Variants in ZZEF1 observed in about 807,000 individuals in gnomAD.
The protein encoded by ZZEF1 is zinc finger ZZ-type and EF-hand domain-containing protein 1.
In ZZEF1, 157 loss-of-function variants were observed where a neutral mutation model predicts 342.8. The observed-to-expected ratio is 0.46, with a 90% confidence interval of 0.40 to 0.52. ZZEF1 has a LOEUF of 0.52. Ranked by LOEUF, ZZEF1 falls within the 20% of genes least tolerant of loss-of-function variation. ZZEF1 has a pLI of 0.00. For synonymous variants in ZZEF1, 1,505 were observed against 1,429.1 expected (o/e 1.05, Z -1.20); for missense variants, 3,480 against 3,725.6 (o/e 0.93, Z 1.72).
At chr17:4,119,848 G>T (rs554424089) in intron 2 of ZZEF1, among the ~76,000 whole-genome samples, 1 of 151,596 alleles carries the variant, frequency 6.6e-6, no homozygotes, top group Admixed American at 6.6e-5. Context: ...AAGGTATCAT[G>T]TATAGAGTCA....
intron 9 of ZZEF1, 81 bp from the exon 10 acceptor site, chr17:4,096,781 A>T: frequency 8.9e-7 from 1 of 1,121,274 alleles, no homozygotes; most frequent in Non-Finnish European, 1.3e-6. Context: ...AACAAACCAT[A>T]TCCTTTGAGT....
rs779312030 is a variant in ZZEF1 at position 4,049,736 on chromosome 17, T to C, written c.5987A>G (p.Gln1996Arg). ...GCCTGCTTCTGACAGCTCAGCACCCTGGACAGCTTTCTTCTCTAGCTGCTC... is the reference window on the plus strand; with the variant it reads ...GCCTGCTTCTGACAGCTCAGCACCCCGGACAGCTTTCTTCTCTAGCTGCTC... ...SEEQLEKKAVQGAELSEAGNG... is the reference protein window; with the variant it reads ...SEEQLEKKAVRGAELSEAGNG... The change falls in exon 37 of 55, where the codon CAG becomes CGG. Residue 1996 changes from glutamine (Q) to arginine (R), a missense_variant. Coordinates refer to ENST00000381638, the MANE Select transcript of ZZEF1 (RefSeq NM_015113.4). 46 of 1,614,034 alleles carry C rather than the reference T, an allele frequency of 2.9e-5. No individual in the cohort carries two copies. The highest frequency in any genetic ancestry group is 3.7e-5 in the Non-Finnish European group (44 of 1,180,022).
chr17:4,048,800 G>A (rs921978437), intron 37 of ZZEF1, among the ~76,000 whole-genome samples: 1 of 151,812 alleles, frequency 6.6e-6, no homozygotes, highest in Non-Finnish European at 1.5e-5. Flanking sequence ...TGCAACCTCC[G>A]CCTCCCGGGT....
Position 4,112,675 on chromosome 17 carries a change from C to T in ZZEF1, c.1000G>A (p.Val334Met). ...CCAGTGACATTGCTGGGGATGTGCA[C>T]ATCTCGGACTTCCTGAAGATCGCTG... ...NASDLQEVRDVHIPSNVTGYV... is the reference protein window; with the variant it reads ...NASDLQEVRDMHIPSNVTGYV... Residue 334 changes from valine to methionine, a missense_variant, in exon 5 of 55, where the codon GTG (valine) becomes ATG (methionine). Coordinates refer to ENST00000381638, the MANE Select transcript of ZZEF1 (RefSeq NM_015113.4). The T allele has an allele frequency of 1.9e-6, 3 of 1,614,232 alleles. No homozygotes were observed. The highest frequency in any genetic ancestry group is 2.5e-6 in the Non-Finnish European group (3 of 1,180,032).
chr17:4,019,863 A>G, intron 45 of ZZEF1, 94 bp from the exon 46 acceptor site: 1 of 888,568 alleles, frequency 1.1e-6, no homozygotes, highest in Non-Finnish European at 1.7e-6. Context: ...ACAATATAGC[A>G]AAAGCTGCCA....
chr17:4,094,210 C>T (rs8067333), intron 11 of ZZEF1, among the ~76,000 whole-genome samples: 39,263 of 151,974 alleles, frequency 0.26, 5,114 homozygotes, highest in African/African-American at 0.28. Context: ...GGCGTGAAGA[C>T]AGTTCACTGC....
rs957635373 is a variant in ZZEF1 at position 4,017,188 on chromosome 17, G to A, written c.8001+183C>T. Reference sequence around the variant, plus strand: ...GCTGGAAATCGCGCTCAGGGCCCCTGAGTTCCTCACTAGCCCAATCCTTGG... The same window carrying A: ...GCTGGAAATCGCGCTCAGGGCCCCTAAGTTCCTCACTAGCCCAATCCTTGG... On this transcript the variant is annotated intron_variant, in intron 48 of 54. Coordinates refer to ENST00000381638, the MANE Select transcript of ZZEF1 (RefSeq NM_015113.4). This position sits in a 1 kb window ranked among gnomAD's most constrained non-coding sequence, Gnocchi z 5.1. 4 of 814,954 alleles carry A rather than the reference G, an allele frequency of 4.9e-6. No individual in the cohort carries two copies. In the African/African-American group the frequency reaches 6.9e-5, roughly 14 times the overall value. 50.5% of individuals were successfully genotyped at this position (814,954 alleles called of 1,614,324 possible). A position where few individuals can be genotyped will look rare whatever the true frequency, so the allele number is the denominator to read the frequency against.
At chr17:4,050,678 G>A in intron 36 of ZZEF1, 103 bp downstream of exon 36, 1 of 1,535,170 alleles carries the variant, frequency 6.5e-7, no homozygotes, top group African/African-American at 1.4e-5. Context: ...TGGAAAAGTG[G>A]ATGTTGCCAC....
chr17:4,137,583 G>C, intron 1 of ZZEF1, among the ~76,000 whole-genome samples: 1 of 152,290 alleles, frequency 6.6e-6, no homozygotes, highest in South Asian at 2.1e-4. Context: ...CTGCACTCCA[G>C]CCTGGGCAAC....
intron 6 of ZZEF1, among the ~76,000 whole-genome samples, chr17:4,108,293 T>C (rs117449763): frequency 0.011 from 1,722 of 152,264 alleles, 16 homozygotes; most frequent in Non-Finnish European, 0.018. Flanking sequence ...TCTATGATAT[T>C]CCTGCTAGAG....
Position 4,014,249 on chromosome 17 carries a change from G to C in ZZEF1, c.8315-61C>G. On this transcript the variant is annotated intron_variant, in intron 50 of 54. Transcript: ENST00000381638. The surrounding 1 kb of genome is among the most constrained non-coding windows in gnomAD (Gnocchi z 4.4). Reference sequence around the variant, plus strand: ...GAAGCAACAGGGAATGGCAGCAGTGGTGTTGGGTTTCAACATTCTCCAGTA... The same window carrying C: ...GAAGCAACAGGGAATGGCAGCAGTGCTGTTGGGTTTCAACATTCTCCAGTA... 6.2e-7 allele frequency: 1 copy of C among 1,609,324 alleles called. No individual in the cohort carries two copies. The highest frequency in any genetic ancestry group is 8.5e-7 in the Non-Finnish European group (1 of 1,175,648).
At chr17:4,097,824 A>G (rs2145418087) in intron 9 of ZZEF1, among the ~76,000 whole-genome samples, 1 of 151,584 alleles carries the variant, frequency 6.6e-6, no homozygotes, top group South Asian at 2.1e-4. Context: ...GGCCAGGCAC[A>G]GTAGCTCATG....
rs1408752350 is a variant in ZZEF1 at position 4,112,626 on chromosome 17, G to A, written c.1049C>T (p.Ala350Val). Residue 350 changes from alanine to valine, a missense_variant, in exon 5 of 55, where the codon GCC (alanine) becomes GTC (valine). Physicochemically the swap from Ala to Val is moderately conservative, Grantham distance 64 (BLOSUM62 0). Around this residue, in one of 5 missense-constraint regions of ZZEF1, gnomAD observed 92 missense variants for 130.3 expected, o/e 0.71. Transcript: ENST00000381638. ...GGACTTACAGAGCTGACTGACGTTG[G>A]CATTTTCCAGCAGCGTCACATAGCC... is the stretch of plus-strand genomic sequence containing the variant. ...VTGYVTLLEN[A>V]NVSQLYVQIN... 1.9e-6 allele frequency: 3 copies of A among 1,614,130 alleles called. No homozygotes were observed. In the Admixed American group the frequency reaches 5.0e-5, roughly 27 times the overall value.
At chr17:4,064,291 A>C in intron 29 of ZZEF1, 70 bp downstream of exon 29, 1 of 1,211,732 alleles carries the variant, frequency 8.3e-7, no homozygotes, top group Non-Finnish European at 1.2e-6. Context: ...CATGAACTTC[A>C]AGCCTCTGAC....
At chr17:4,050,723 G>A in intron 36 of ZZEF1, 58 bp downstream of exon 36, 1 of 1,605,498 alleles carries the variant, frequency 6.2e-7, no homozygotes, top group Non-Finnish European at 8.5e-7. Flanking sequence ...CATTTGCCAA[G>A]GCTTTTTTTC....
At position 4,023,645 on chromosome 17, in the gene ZZEF1, C is replaced by A. The variant is rs1163850183; in HGVS notation, c.7093-817G>T. On this transcript the variant is annotated intron_variant, in intron 43 of 54. Coordinates refer to ENST00000381638, the MANE Select transcript of ZZEF1 (RefSeq NM_015113.4). ...GAGCAGCCTGGGAAACTTAGCAAGA[C>A]CCTGTCTCTCCAAAAAAAAAAAAAA... 3.7e-5 allele frequency among the ~76,000 whole-genome samples: 5 copies of A among 135,166 alleles called. No individual in the cohort carries two copies. In the East Asian group the frequency reaches 8.2e-4, roughly 22 times the overall value. 88.7% of individuals were successfully genotyped at this position (135,166 alleles called of 152,430 possible).
intron 34 of ZZEF1, among the ~76,000 whole-genome samples, chr17:4,052,774 G>A (rs975571512): frequency 6.6e-6 from 1 of 151,454 alleles, no homozygotes; most frequent in Non-Finnish European, 1.5e-5. Context: ...GGCTGAAGCA[G>A]GAAAATCACT....
In ZZEF1 at chr17:4,014,465, A is replaced by T; in HGVS notation, c.8196T>A (p.Ser2732=). Residue 2732 remains serine, a synonymous_variant, in exon 50 of 55, where the codon TCT becomes TCA. Transcript: ENST00000381638. This position sits in a 1 kb window ranked among gnomAD's most constrained non-coding sequence, Gnocchi z 4.4. ...GAIYLSIKFD[S]QCNTEEGCDE... ...CACAGCCCTCCTCTGTGTTGCACTG[A>T]GAGTCGAATTTGATTGAGAGGTAGA... 6.2e-7 allele frequency: 1 copy of T among 1,614,164 alleles called. No homozygotes were observed. Among genetic ancestry groups the T allele is most frequent in the Non-Finnish European group, 8.5e-7 (1 of 1,180,032 alleles).
intron 26 of ZZEF1, among the ~76,000 whole-genome samples, chr17:4,067,614 T>C (rs1364469450): frequency 3.3e-5 from 5 of 152,196 alleles, no homozygotes; most frequent in Admixed American, 3.3e-4. Flanking sequence ...AAAAAGCAGG[T>C]TATGAAACAG....
Sources: gnomAD v4.1 joint callset for allele counts (sites outside exome capture counted in the v4.1 genomes callset) on GRCh38, gnomAD v4.1.1 for gene constraint, gnomAD v4.1.1 regional missense constraint, Gnocchi (gnomAD v3.1) non-coding constraint, MANE v1.5 for transcripts, NCBI Gene and HGNC (gene_info 2026-07-23, HGNC 2026-07-21) for gene names.